ARHGEF26: variants seen among roughly 807,000 people sequenced by gnomAD.
The protein encoded by ARHGEF26 is Rho guanine nucleotide exchange factor 26.
A neutral mutation model predicts 89.4 loss-of-function variants in ARHGEF26; 59 were observed. The observed-to-expected ratio is 0.66, with a 90% CI of 0.54 to 0.82. The LOEUF (loss-of-function observed/expected upper bound fraction) is 0.82, where lower values mean the gene tolerates loss of function less well. ARHGEF26 is among the 40% of genes least tolerant of loss of function. The pLI, the probability that ARHGEF26 is intolerant of heterozygous loss-of-function variation, is 0.00. For missense variants in ARHGEF26, 1,234 were observed against 1,085.6 expected, an observed-to-expected ratio of 1.14 and a Z score of -1.92; for synonymous variants, 500 against 428.4, an observed-to-expected ratio of 1.17 and a Z score of -2.06.
intron 7 of ARHGEF26, among the ~76,000 whole-genome samples, chr3:154,190,186 G>C (rs541426275): frequency 1.3e-5 from 2 of 152,150 alleles, no homozygotes; most frequent in East Asian, 3.9e-4. Flanking sequence ...TGAGAAATGG[G>C]GGGACAAGAG....
intron 10 of ARHGEF26, among the ~76,000 whole-genome samples, chr3:154,224,198 CT>C (rs1175675370): frequency 6.6e-6 from 1 of 152,120 alleles, no homozygotes; most frequent in East Asian, 1.9e-4. Context: ...TTTAATATCT[CT>C]TCTTTAATAA....
Position 154,255,680 on chromosome 3 carries a change from A to G in ARHGEF26, c.*207A>G, listed in dbSNP as rs1718454529. ...TGCACAGCTCAGTTTTTACCTAACC[A>G]CACACTTGCAGACCTCCTGAGGTAC... On this transcript the variant is annotated 3_prime_UTR_variant, in exon 15 of 15. Coordinates refer to ENST00000465093, the MANE Select transcript of ARHGEF26 (RefSeq NM_015595.4). The G allele has an allele frequency of 1.4e-6, 2 of 1,382,544 alleles. No homozygotes were observed. Among genetic ancestry groups the G allele is most frequent in the African/African-American group, 1.5e-5 (1 of 68,730 alleles). The allele number at this position is 1,382,544 out of a possible 1,614,324, so 85.6% of individuals were successfully genotyped here. A position where few individuals can be genotyped will look rare whatever the true frequency, so the allele number is the denominator to read the frequency against.
rs866552072 is a variant in ARHGEF26, at chr3:154,247,002, A to C, written c.2301-6114A>C. Among the ~76,000 whole-genome samples, 139 of 152,282 alleles carry C rather than the reference A, an allele frequency of 9.1e-4. 1 individual carries two copies. The highest frequency in any genetic ancestry group is 3.2e-3 in the African/African-American group (133 of 41,564). On this transcript the variant is annotated intron_variant, in intron 12 of 14. Coordinates refer to ENST00000465093, the MANE Select transcript of ARHGEF26 (RefSeq NM_015595.4). ...GACTTCTTCCTCTGGCACCCTGTTG[A>C]GGCCTCTCCATCAGATTAACAGGCT...
intron 10 of ARHGEF26, among the ~76,000 whole-genome samples, chr3:154,222,516 A>T (rs1408231378): frequency 6.6e-6 from 1 of 152,226 alleles, no homozygotes; most frequent in East Asian, 1.9e-4. Context: ...AGTGAAGCTG[A>T]TGATAGTACT....
rs754939922 is a variant in ARHGEF26 at position 154,122,426 on chromosome 3, G to C, written c.434G>C (p.Arg145Pro). 1 of 1,610,912 alleles carries C rather than the reference G, an allele frequency of 6.2e-7. No individual in the cohort carries two copies. Among genetic ancestry groups the C allele is most frequent in the Admixed American group, 1.7e-5 (1 of 59,872 alleles). ...LPAPPPPPVLRPPRTPNAPAP... is the reference protein window; with the variant it reads ...LPAPPPPPVLPPPRTPNAPAP... ...GCGCCGCCGCCGCCGCCGGTTCTGC[G>C]CCCCCCGCGGACTCCTAACGCGCCC... Residue 145 changes from arginine (R) to proline (P), a missense_variant, in exon 2 of 15, where the codon CGC becomes CCC. Coordinates refer to ENST00000465093, the MANE Select transcript of ARHGEF26 (RefSeq NM_015595.4).
At chr3:154,234,984 G>C (rs138666363) in intron 11 of ARHGEF26, among the ~76,000 whole-genome samples, 12 of 151,768 alleles carry the variant, frequency 7.9e-5, no homozygotes, top group Non-Finnish European at 1.6e-4. Flanking sequence ...GGATGGTCTC[G>C]ATCTCCTGAC....
chr3:154,236,386 C>T (rs987718202), intron 11 of ARHGEF26, among the ~76,000 whole-genome samples: 1 of 152,198 alleles, frequency 6.6e-6, no homozygotes, highest in Admixed American at 6.5e-5. Flanking sequence ...ACAAAGCAGA[C>T]GCCTTGATGA....
chr3:154,237,563 C>CACTT (rs1717194442), intron 11 of ARHGEF26, among the ~76,000 whole-genome samples: 1 of 151,802 alleles, frequency 6.6e-6, no homozygotes, highest in Admixed American at 6.6e-5. Context: ...CACACACACA[C>CACTT]ACACACACAC....
In ARHGEF26 at chr3:154,249,125, A is replaced by C. The variant is rs79439465; in HGVS notation, c.2301-3991A>C. On this transcript the variant is annotated intron_variant, in intron 12 of 14. Transcript: ENST00000465093. ...TAAAAGGAAGGTTAAAGAGCAACTA[A>C]GGGCTATTTTTTTCTATTGAGAAAT... is the stretch of plus-strand genomic sequence containing the variant. Among the ~76,000 whole-genome samples, 1,450 of 152,344 alleles carry C rather than the reference A, an allele frequency of 9.5e-3. 14 individuals carry two copies. Among genetic ancestry groups the C allele is most frequent in the Non-Finnish European group, 0.017 (1,152 of 68,022 alleles).
rs1718046343 is a variant in ARHGEF26, at chr3:154,122,631, A to G, written c.639A>G (p.Gln213=). 6.2e-7 allele frequency: 1 copy of G among 1,613,872 alleles called. No individual in the cohort carries two copies. The highest frequency in any genetic ancestry group is 8.5e-7 in the Non-Finnish European group (1 of 1,179,906). The change falls in exon 2 of 15, where the codon CAA becomes CAG. Residue 213 remains glutamine (Q), a synonymous_variant. Transcript: ENST00000465093. ...GGCCCCAGAAAAGTTCTTCGGAACA[A>G]AAACTCCCCCTCCAAAGGCTGCCCT... ...FPGPQKSSSE[Q]KLPLQRLPSQ...
intron 6 of ARHGEF26, among the ~76,000 whole-genome samples, chr3:154,158,152 C>T (rs1266948485): frequency 6.6e-6 from 1 of 152,136 alleles, no homozygotes; most frequent in Non-Finnish European, 1.5e-5. Context: ...CCAAATGCCA[C>T]TGAAGCCCTT....
intron 11 of ARHGEF26, among the ~76,000 whole-genome samples, chr3:154,240,011 T>G (rs1717392606): frequency 6.6e-6 from 1 of 152,108 alleles, no homozygotes; most frequent in African/African-American, 2.4e-5. Context: ...AGGCTCCTCC[T>G]TCATTCTGCA....
In ARHGEF26 at chr3:154,239,249, CGAGAGA is replaced by C. The variant is rs377530456; in HGVS notation, c.2091-1115_2091-1110del. On this transcript the variant is annotated intron_variant, in intron 11 of 14. Transcript: ENST00000465093. ...GTGTTGGGGACTTGATGTAAATGAC[CGAGAGA>C]GAGAGGGAGAGAGAGAGAGAGAGAG... is the stretch of plus-strand genomic sequence containing the variant. Among the ~76,000 whole-genome samples the C allele has an allele frequency of 3.2e-5, 2 of 63,390 alleles. 1 individual carries two copies. The highest frequency in any genetic ancestry group is 1.4e-3 in the South Asian group (2 of 1,380). 41.6% of individuals were successfully genotyped at this position (63,390 alleles called of 152,430 possible).
intron 6 of ARHGEF26, among the ~76,000 whole-genome samples, chr3:154,155,749 CAAAAG>C (rs4066624): frequency 0.67 from 100,452 of 150,920 alleles, 34,272 homozygotes; most frequent in South Asian, 0.77. Context: ...GGAGAAATAA[CAAAAG>C]TATAATGTAG....
intron 9 of ARHGEF26, among the ~76,000 whole-genome samples, chr3:154,203,400 C>T (rs1336968578): frequency 6.6e-6 from 1 of 151,882 alleles, no homozygotes; most frequent in East Asian, 1.9e-4. Flanking sequence ...TTCGGGTTAC[C>T]AGTATTTTAT....
chr3:154,124,541 C>T (rs181780668), intron 3 of ARHGEF26, 92 bp downstream of exon 3: 18 of 1,148,520 alleles, frequency 1.6e-5, no homozygotes, highest in African/African-American at 1.5e-4. Flanking sequence ...AAAATGCTTA[C>T]GATGAGAAAT....
At chr3:154,253,496 A>G (rs1014333250) in intron 13 of ARHGEF26, among the ~76,000 whole-genome samples, 4 of 152,218 alleles carry the variant, frequency 2.6e-5, no homozygotes. Flanking sequence ...TAAGTTAAAT[A>G]ATCTATGTTA....
chr3:154,122,173 G>A lies in ARHGEF26; in HGVS notation c.181G>A (p.Ala61Thr). ...FPVEDGGTLL[A>T]AQIPAQVPTA... ...GGTGGAGGACGGAGGGACGCTCCTC[G>A]CAGCGCAGATTCCCGCCCAGGTGCC... The change falls in exon 2 of 15, where the codon GCA becomes ACA. Residue 61 changes from alanine to threonine, a missense_variant. Transcript: ENST00000465093. 6.3e-7 allele frequency: 1 copy of A among 1,597,990 alleles called. No homozygotes were observed. Among genetic ancestry groups the A allele is most frequent in the Non-Finnish European group, 8.5e-7 (1 of 1,172,472 alleles).
At chr3:154,223,307 T>G (rs1042982952) in intron 10 of ARHGEF26, among the ~76,000 whole-genome samples, 1 of 152,114 alleles carries the variant, frequency 6.6e-6, no homozygotes, top group African/African-American at 2.4e-5. Context: ...CCCAAAAATC[T>G]AAACATAAGA....
Sources: gnomAD v4.1 joint callset for allele counts (sites outside exome capture counted in the v4.1 genomes callset) on GRCh38, gnomAD v4.1.1 for gene constraint, MANE v1.5 for transcripts, NCBI Gene and HGNC (gene_info 2026-07-23, HGNC 2026-07-21) for gene names.